The following TENM3 variants were observed in gnomAD, a reference collection of about 807,000 sequenced individuals.
TENM3 encodes teneurin transmembrane protein 3.
A neutral mutation model predicts 255.1 loss-of-function variants in TENM3; 63 were observed. The observed-to-expected ratio is 0.25, with a 90% CI of 0.20 to 0.30. The LOEUF is 0.30. TENM3 is among the 10% of genes least tolerant of loss of function. The pLI, the probability that TENM3 is intolerant of heterozygous loss-of-function variation, is 1.00. For synonymous variants in TENM3, 1,306 were observed against 1,322.3 expected (o/e 0.99, Z 0.27); for missense variants, 2,929 against 3,461.1 (o/e 0.85, Z 3.86).
chr4:181,990,185 T>G, the TENM3 span, among the ~76,000 whole-genome samples: 1 of 152,272 alleles, frequency 6.6e-6, no homozygotes, highest in East Asian at 1.9e-4. Context: ...ACTATGCTAT[T>G]TAAGCTTCAT....
At chr4:181,830,363 G>T in the TENM3 span, among the ~76,000 whole-genome samples, 1 of 152,060 alleles carries the variant, frequency 6.6e-6, no homozygotes, top group East Asian at 1.9e-4. Flanking sequence ...CCCCATCCCG[G>T]GTTCAAGTGA....
Position 182,647,259 on chromosome 4 carries a change from G to A in TENM3, c.989-6512G>A, listed in dbSNP as rs148388390. 1.3e-3 allele frequency among the ~76,000 whole-genome samples: 198 copies of A among 152,162 alleles called. 1 individual carries two copies. The highest frequency in any genetic ancestry group is 1.8e-3 in the Non-Finnish European group (122 of 67,996). On this transcript the variant is annotated intron_variant, in intron 5 of 27. Coordinates refer to ENST00000511685, the MANE Select transcript of TENM3 (RefSeq NM_001080477.4). Reference sequence around the variant, plus strand: ...AGAAACACACAACATAAAATTTATCGTCTTACACATTTTTAAGTGTATAGC... The same window carrying A: ...AGAAACACACAACATAAAATTTATCATCTTACACATTTTTAAGTGTATAGC...
At chr4:181,996,986 T>C in the TENM3 span, among the ~76,000 whole-genome samples, 1 of 152,196 alleles carries the variant, frequency 6.6e-6, no homozygotes. Flanking sequence ...ACCAGTAAGC[T>C]TTGATGCAAA....
At chr4:181,761,565 T>TA in the TENM3 span, among the ~76,000 whole-genome samples, 1 of 152,194 alleles carries the variant, frequency 6.6e-6, no homozygotes, top group Non-Finnish European at 1.5e-5. Context: ...CATATTCCAC[T>TA]AAATTCAGAT....
In TENM3 at chr4:182,743,405, T is replaced by C. The variant is rs766389743; in HGVS notation, c.3615T>C (p.Ser1205=). 1.9e-6 allele frequency: 3 copies of C among 1,613,882 alleles called. No individual in the cohort carries two copies. The highest frequency in any genetic ancestry group is 2.2e-5 in the South Asian group (2 of 91,076). Residue 1205 remains serine (S), a synonymous_variant, in exon 19 of 28, where the codon AGT becomes AGC. Transcript: ENST00000511685. ...TATTCCCTTCTGGAAATGTAACAAG[T>C]GTCTTAGAACTAAGGTACGTCTTTC... is the stretch of plus-strand genomic sequence containing the variant. The part of the protein sequence containing the change: ...RRIFPSGNVT[S]VLELSSNPAH...
the TENM3 span, among the ~76,000 whole-genome samples, chr4:181,472,868 G>T: frequency 0.88 from 133,639 of 151,986 alleles, 59,714 homozygotes; most frequent in Non-Finnish European, 0.98. Flanking sequence ...ACAATAGAAA[G>T]AATTATATCT....
At chr4:182,585,479 A>G (rs1745925094) in intron 3 of TENM3, among the ~76,000 whole-genome samples, 1 of 152,184 alleles carries the variant, frequency 6.6e-6, no homozygotes, top group South Asian at 2.1e-4. Context: ...CATCCTTATA[A>G]GAAGAGACAC....
chr4:181,831,890 T>C, the TENM3 span, among the ~76,000 whole-genome samples: 2 of 151,662 alleles, frequency 1.3e-5, no homozygotes, highest in Admixed American at 1.3e-4. Context: ...ATCCCAGAGT[T>C]AATTCAGCAC....
intron 3 of TENM3, among the ~76,000 whole-genome samples, chr4:182,504,479 T>C (rs1316356656): frequency 6.6e-6 from 1 of 152,208 alleles, no homozygotes; most frequent in Non-Finnish European, 1.5e-5. Flanking sequence ...GTAAATGAAT[T>C]ACTTAGCATA....
At chr4:182,189,338 A>G (rs1753363660) in intron 1 of TENM3, among the ~76,000 whole-genome samples, 1 of 152,132 alleles carries the variant, frequency 6.6e-6, no homozygotes, top group Non-Finnish European at 1.5e-5. Context: ...CGTGTCATAC[A>G]AAAAATATTC....
rs755335975 is a variant in TENM3, at chr4:182,792,735, T to C, written c.6063T>C (p.Tyr2021=). Residue 2021 remains tyrosine, a synonymous_variant, in exon 26 of 28, where the codon TAT becomes TAC. Transcript: ENST00000511685. The surrounding 1 kb of genome is among the most constrained non-coding windows in gnomAD (Gnocchi z 6.3). ...TAAATGCAAGATTTGACTATAGCTATGACAACAGCTTTCGAGTGACCAGCA... is the reference window on the plus strand; with the variant it reads ...TAAATGCAAGATTTGACTATAGCTACGACAACAGCTTTCGAGTGACCAGCA... ...GMVNARFDYS[Y]DNSFRVTSMQ... 3 of 1,613,958 alleles carry C rather than the reference T, an allele frequency of 1.9e-6. No individual in the cohort carries two copies. The highest frequency in any genetic ancestry group is 2.5e-6 in the Non-Finnish European group (3 of 1,179,896).
At chr4:182,262,552 T>A (rs1758876068) in intron 1 of TENM3, among the ~76,000 whole-genome samples, 1 of 151,992 alleles carries the variant, frequency 6.6e-6, no homozygotes, top group Non-Finnish European at 1.5e-5. Flanking sequence ...AATTTACAAA[T>A]GCCATGGCAA....
chr4:182,192,083 T>A (rs1753559613), intron 1 of TENM3, among the ~76,000 whole-genome samples: 1 of 152,138 alleles, frequency 6.6e-6, no homozygotes, highest in Admixed American at 6.6e-5. Flanking sequence ...CCGAGAATAA[T>A]ATTTCATGAT....
the TENM3 span, among the ~76,000 whole-genome samples, chr4:181,925,122 CATAATT>C: frequency 9.9e-5 from 15 of 152,272 alleles, no homozygotes; most frequent in Non-Finnish European, 1.9e-4. Context: ...GAGATAGTGA[CATAATT>C]ATAATTATAT....
chr4:182,309,175 G>T (rs1762301279), intron 1 of TENM3, among the ~76,000 whole-genome samples: 1 of 152,190 alleles, frequency 6.6e-6, no homozygotes, highest in Non-Finnish European at 1.5e-5. Context: ...AGGAAGTGGG[G>T]TTTGGGAATT....
the TENM3 span, among the ~76,000 whole-genome samples, chr4:182,032,488 C>T: frequency 5.3e-5 from 8 of 152,114 alleles, no homozygotes; most frequent in Admixed American, 1.3e-4. Context: ...CGATGTTCAT[C>T]GGGGATATTG....
chr4:182,635,197 T>G (rs565050455), intron 5 of TENM3, among the ~76,000 whole-genome samples: 29 of 152,350 alleles, frequency 1.9e-4, no homozygotes, highest in African/African-American at 6.3e-4. Flanking sequence ...ATTTTCTCAA[T>G]TATCTTGCCC....
At chr4:181,759,914 T>A in the TENM3 span, among the ~76,000 whole-genome samples, 1 of 152,206 alleles carries the variant, frequency 6.6e-6, no homozygotes, top group East Asian at 1.9e-4. Context: ...GATAGGAAAC[T>A]GAGGCACTGA....
At chr4:182,679,570 T>C in intron 7 of TENM3, 96 bp from the exon 8 acceptor site, 1 of 977,012 alleles carries the variant, frequency 1.0e-6, no homozygotes, top group Non-Finnish European at 1.5e-6. Context: ...ACATTGTATT[T>C]GTTAGAGCAA....
Sources: gnomAD v4.1 joint callset for allele counts (sites outside exome capture counted in the v4.1 genomes callset) on GRCh38, gnomAD v4.1.1 for gene constraint, Gnocchi (gnomAD v3.1) non-coding constraint, MANE v1.5 for transcripts, NCBI Gene and HGNC (gene_info 2026-07-23, HGNC 2026-07-21) for gene names.